Variants in PLPP1 observed in about 807,000 individuals in gnomAD.
The protein encoded by PLPP1 is lipid phosphate phosphohydrolase 1a.
In PLPP1, 24 loss-of-function variants were observed where a neutral mutation model predicts 31.2. That is an observed-to-expected ratio of 0.77 (90% CI 0.56 to 1.08). The LOEUF (loss-of-function observed/expected upper bound fraction) is 1.08, where lower values mean the gene tolerates loss of function less well. Among genes scored for constraint, PLPP1 ranks in the 50% least tolerant of loss-of-function variants. The pLI is 0.00. For synonymous variants in PLPP1, 146 were observed against 126.3 expected, an observed-to-expected ratio of 1.16 and a Z score of -1.05; for missense variants, 319 against 342.7, an observed-to-expected ratio of 0.93 and a Z score of 0.55.
At chr5:55,455,881 C>G (rs543026774) in intron 3 of PLPP1, among the ~76,000 whole-genome samples, 3 of 152,254 alleles carry the variant, frequency 2.0e-5, no homozygotes, top group African/African-American at 7.2e-5. Context: ...CCCAGCAAAT[C>G]TGTGTTTTAA....
At chr5:55,465,853 T>C (rs1312256645) in intron 3 of PLPP1, among the ~76,000 whole-genome samples, 2 of 152,182 alleles carry the variant, frequency 1.3e-5, no homozygotes, top group Non-Finnish European at 2.9e-5. Flanking sequence ...TATCTTTCCC[T>C]GTGTCTCCAA....
At chr5:55,510,448 G>A (rs1044129635) in intron 1 of PLPP1, among the ~76,000 whole-genome samples, 9 of 152,188 alleles carry the variant, frequency 5.9e-5, no homozygotes, top group African/African-American at 2.2e-4. Flanking sequence ...CACCAATTCA[G>A]TATCTTGATT....
At chr5:55,471,561 T>A (rs1390791629) in intron 2 of PLPP1, among the ~76,000 whole-genome samples, 1 of 152,172 alleles carries the variant, frequency 6.6e-6, no homozygotes, top group East Asian at 1.9e-4. Context: ...TTGACTTCAC[T>A]GACCATTTCC....
At chr5:55,469,341 T>C (rs1394504721) in intron 2 of PLPP1, among the ~76,000 whole-genome samples, 1 of 151,692 alleles carries the variant, frequency 6.6e-6, no homozygotes, top group Non-Finnish European at 1.5e-5. Flanking sequence ...TACAAAAAAT[T>C]AGCCAGGAGT....
At chr5:55,475,230 T>TA in intron 2 of PLPP1, 69 bp downstream of exon 2, 2 of 1,378,414 alleles carry the variant, frequency 1.5e-6, no homozygotes, top group Admixed American at 4.7e-5. Context: ...ATTTAAGCAT[T>TA]AAAAGAGTAA....
At chr5:55,428,032 C>G (rs922192413) in intron 4 of PLPP1, among the ~76,000 whole-genome samples, 1 of 152,186 alleles carries the variant, frequency 6.6e-6, no homozygotes, top group African/African-American at 2.4e-5. Flanking sequence ...GGTGATCCAC[C>G]CACCTCAGCC....
chr5:55,532,773 A>C (rs1295501702), intron 1 of PLPP1, among the ~76,000 whole-genome samples: 2 of 152,094 alleles, frequency 1.3e-5, no homozygotes, highest in African/African-American at 2.4e-5. Context: ...CCTGGCCAAG[A>C]CGGTGAAACC....
chr5:55,460,486 G>A (rs1394084322), intron 3 of PLPP1, among the ~76,000 whole-genome samples: 1 of 152,158 alleles, frequency 6.6e-6, no homozygotes, highest in Non-Finnish European at 1.5e-5. Flanking sequence ...GAATGTAAGA[G>A]AGGCTATCTC....
chr5:55,434,412 C>T (rs1751443701), intron 4 of PLPP1, among the ~76,000 whole-genome samples: 1 of 149,956 alleles, frequency 6.7e-6, no homozygotes, highest in Non-Finnish European at 1.5e-5. Flanking sequence ...ACATTCTGCA[C>T]AGAAATAGAA....
rs187935428 is a variant in PLPP1, at chr5:55,457,750, G to A, written c.491+10119C>T. ...CTAAAAATACACAAATTAGCTGGAC[G>A]TGGTGGCGGGCGCCTGTAGTCCCAG... is the stretch of plus-strand genomic sequence containing the variant. On this transcript the variant is annotated intron_variant, in intron 3 of 5. Coordinates refer to ENST00000307259, the MANE Select transcript of PLPP1 (RefSeq NM_003711.4). Among the ~76,000 whole-genome samples, 705 of 152,174 alleles carry A rather than the reference G, an allele frequency of 4.6e-3. 4 individuals are homozygous for A. Among genetic ancestry groups the A allele is most frequent in the African/African-American group, 0.015 (642 of 41,504 alleles).
chr5:55,441,666 C>G (rs984671733), intron 4 of PLPP1, among the ~76,000 whole-genome samples, 185 bp downstream of exon 4: 2 of 152,214 alleles, frequency 1.3e-5, no homozygotes, highest in African/African-American at 4.8e-5. Flanking sequence ...AAAACCACTT[C>G]AGGAAACGTC....
chr5:55,443,912 T>C (rs1345388630), intron 3 of PLPP1, among the ~76,000 whole-genome samples: 1 of 152,150 alleles, frequency 6.6e-6, no homozygotes, highest in East Asian at 1.9e-4. Context: ...GCAAACAGAA[T>C]AAAGCACAAA....
intron 3 of PLPP1, among the ~76,000 whole-genome samples, chr5:55,444,615 G>A (rs576733515): frequency 1.3e-5 from 2 of 152,308 alleles, no homozygotes; most frequent in Middle Eastern, 3.4e-3. Flanking sequence ...TTTACGGAGA[G>A]AAAAATGTAT....
chr5:55,494,611 A>G (rs1295817996), intron 1 of PLPP1, among the ~76,000 whole-genome samples: 1 of 152,168 alleles, frequency 6.6e-6, no homozygotes, highest in Non-Finnish European at 1.5e-5. Context: ...TAGGTTTCAC[A>G]GGGATTTGAA....
intron 3 of PLPP1, among the ~76,000 whole-genome samples, chr5:55,448,980 A>T (rs4865605): frequency 3.9e-5 from 6 of 152,214 alleles, no homozygotes; most frequent in Non-Finnish European, 7.4e-5. Context: ...TACTGTATTG[A>T]TTAGGGAATA....
chr5:55,498,119 G>A (rs1753041988), intron 1 of PLPP1, among the ~76,000 whole-genome samples: 2 of 152,014 alleles, frequency 1.3e-5, no homozygotes, highest in South Asian at 4.2e-4. Context: ...TAACAAAGGG[G>A]CTATTTATAG....
intron 1 of PLPP1, among the ~76,000 whole-genome samples, chr5:55,494,967 CAAAAAA>C (rs33994006): frequency 7.4e-6 from 1 of 135,650 alleles, no homozygotes; most frequent in Non-Finnish European, 1.5e-5. Flanking sequence ...AAAAAAAATA[CAAAAAA>C]AAAAAAAAAT....
At chr5:55,509,677 GC>G (rs1449364683) in intron 1 of PLPP1, among the ~76,000 whole-genome samples, 1 of 152,086 alleles carries the variant, frequency 6.6e-6, no homozygotes, top group Non-Finnish European at 1.5e-5. Flanking sequence ...TATTTAATGA[GC>G]TTTTAAAAAA....
At chr5:55,530,997 C>T (rs750714890) in intron 1 of PLPP1, among the ~76,000 whole-genome samples, 1 of 152,100 alleles carries the variant, frequency 6.6e-6, no homozygotes, top group African/African-American at 2.4e-5. Flanking sequence ...AACAACATCG[C>T]GCCTTTCATA....
Sources: gnomAD v4.1 joint callset for allele counts (sites outside exome capture counted in the v4.1 genomes callset) on GRCh38, gnomAD v4.1.1 for gene constraint, MANE v1.5 for transcripts, NCBI Gene and HGNC (gene_info 2026-07-23, HGNC 2026-07-21) for gene names.